Variants in FUT9 observed in about 807,000 individuals in gnomAD.
The protein encoded by FUT9 is 4-galactosyl-N-acetylglucosaminide 3-alpha-L-fucosyltransferase 9.
In FUT9, 15 loss-of-function variants were observed where a neutral mutation model predicts 29.7. That is an observed-to-expected ratio of 0.51 (90% confidence interval 0.34 to 0.78). FUT9 has a LOEUF of 0.78. Among genes scored for constraint, FUT9 ranks in the 30% least tolerant of loss-of-function variants. The probability of loss-of-function intolerance (pLI) is 0.01; values close to 1 mark genes in which losing one functional copy is unlikely to be tolerated. For synonymous variants in FUT9, 169 were observed against 153.7 expected (o/e 1.10, Z -0.74); for missense variants, 319 against 425.4 (o/e 0.75, Z 2.20).
intron 2 of FUT9, among the ~76,000 whole-genome samples, chr6:96,163,930 T>A (rs899569459): frequency 2.0e-5 from 3 of 152,090 alleles, no homozygotes; most frequent in African/African-American, 4.8e-5. Context: ...AATTTAGGAG[T>A]TTATTTTGCC....
At chr6:96,034,493 A>G (rs145424597) in intron 1 of FUT9, among the ~76,000 whole-genome samples, 1 of 151,878 alleles carries the variant, frequency 6.6e-6, no homozygotes, top group East Asian at 1.9e-4. Flanking sequence ...GGAGCAGTAC[A>G]TGTTCTTACA....
chr6:96,091,752 T>C lies in FUT9; in HGVS notation c.-97-22287T>C, dbSNP rs533176088. ...TAGTTGAAGGGTTTGTAGGTGATCTTTGCAATACTGCTGCAATCTCCTCAT... is the reference window on the plus strand; with the variant it reads ...TAGTTGAAGGGTTTGTAGGTGATCTCTGCAATACTGCTGCAATCTCCTCAT... On this transcript the variant is annotated intron_variant, in intron 1 of 2. Coordinates refer to ENST00000302103, the MANE Select transcript of FUT9 (RefSeq NM_006581.4). Among the ~76,000 whole-genome samples the C allele has an allele frequency of 2.3e-3, 355 of 152,174 alleles. 2 individuals are homozygous for C. Among genetic ancestry groups the C allele is most frequent in the Non-Finnish European group, 5.9e-4 (40 of 67,980 alleles).
At chr6:96,161,859 G>T (rs1241560329) in intron 2 of FUT9, among the ~76,000 whole-genome samples, 1 of 152,142 alleles carries the variant, frequency 6.6e-6, no homozygotes, top group Non-Finnish European at 1.5e-5. Context: ...ACCATTCCAA[G>T]AATTTCTACT....
rs142313112 is a variant in FUT9, at chr6:96,162,380, C to T, written c.-8-40768C>T. Among the ~76,000 whole-genome samples the T allele has an allele frequency of 6.1e-4, 93 of 152,192 alleles. 1 individual carries two copies. Among genetic ancestry groups the T allele is most frequent in the South Asian group, 5.8e-3 (28 of 4,818 alleles). On this transcript the variant is annotated intron_variant, in intron 2 of 2. Transcript: ENST00000302103. ...CACTTCAAATACACACTCATAATTT[C>T]CTTGTGTTGGAAACATTCAAAATCC... is the stretch of plus-strand genomic sequence containing the variant.
chr6:96,024,687 C>T (rs906560103), intron 1 of FUT9, among the ~76,000 whole-genome samples: 2 of 151,744 alleles, frequency 1.3e-5, no homozygotes, highest in African/African-American at 4.8e-5. Context: ...TAAGTTCTCC[C>T]AGTTTCAGCA....
In FUT9 at chr6:96,211,938, T is replaced by G. The variant is rs1773944903; in HGVS notation, c.*7703T>G. The stretch of plus-strand genomic sequence containing the variant: ...GAATTAGTTGTGTAAGTAAAGTAAG[T>G]TAAGTTATAGCTTGCTGGAATTTTA... On this transcript the variant is annotated 3_prime_UTR_variant, in exon 3 of 3. Transcript: ENST00000302103. 2 of 408,424 alleles carry G rather than the reference T, an allele frequency of 4.9e-6. No individual in the cohort carries two copies. Among genetic ancestry groups the G allele is most frequent in the Non-Finnish European group, 4.5e-6 (1 of 223,174 alleles). 25.3% of individuals were successfully genotyped at this position (408,424 alleles called of 1,614,324 possible). A position where few individuals can be genotyped will look rare whatever the true frequency, so the allele number is the denominator to read the frequency against.
Position 96,100,045 on chromosome 6 carries a change from A to T in FUT9, c.-97-13994A>T, listed in dbSNP as rs543041744. 2.6e-5 allele frequency among the ~76,000 whole-genome samples: 4 copies of T among 152,166 alleles called. No homozygotes were observed. In the South Asian group the frequency reaches 6.2e-4, roughly 24 times the overall value. On this transcript the variant is annotated intron_variant, in intron 1 of 2. Coordinates refer to ENST00000302103, the MANE Select transcript of FUT9 (RefSeq NM_006581.4). ...TCGATTTGTTTGTGATCCAGTACCA[A>T]AGGGGTATTATTCATTAAGATTTAC... is the stretch of plus-strand genomic sequence containing the variant.
At chr6:96,203,113 C>A in intron 2 of FUT9, 35 bp from the exon 3 acceptor site, 2 of 1,495,630 alleles carry the variant, frequency 1.3e-6, no homozygotes, top group Non-Finnish European at 1.8e-6. Context: ...TCATTCCCAC[C>A]GCTACCTCCC....
intron 2 of FUT9, among the ~76,000 whole-genome samples, chr6:96,174,066 A>T (rs558452892): frequency 6.6e-6 from 1 of 152,138 alleles, no homozygotes; most frequent in Non-Finnish European, 1.5e-5. Flanking sequence ...TGGTTGAGAC[A>T]GGAAATATGC....
At chr6:96,176,984 A>G (rs1773216075) in intron 2 of FUT9, among the ~76,000 whole-genome samples, 1 of 152,106 alleles carries the variant, frequency 6.6e-6, no homozygotes, top group African/African-American at 2.4e-5. Flanking sequence ...CATACTATAC[A>G]TAAAACAAGG....
intron 2 of FUT9, among the ~76,000 whole-genome samples, chr6:96,184,127 C>G (rs939229929): frequency 1.3e-4 from 19 of 151,882 alleles, no homozygotes; most frequent in African/African-American, 4.6e-4. Context: ...AATCTCACTG[C>G]TTGTTTTTGG....
chr6:96,109,200 G>T (rs1310926461), intron 1 of FUT9, among the ~76,000 whole-genome samples: 1 of 152,134 alleles, frequency 6.6e-6, no homozygotes, highest in Admixed American at 6.5e-5. Context: ...TAAGAAGCTT[G>T]CTTCTATTAA....
At position 96,172,638 on chromosome 6, in the gene FUT9, A is replaced by T. The variant is rs569203649; in HGVS notation, c.-8-30510A>T. Among the ~76,000 whole-genome samples, 7 of 139,328 alleles carry T rather than the reference A, an allele frequency of 5.0e-5. No individual in the cohort carries two copies. The South Asian group carries it at 2.2e-3, about 43-fold the overall frequency. 91.4% of individuals were successfully genotyped at this position (139,328 alleles called of 152,430 possible). A position where few individuals can be genotyped will look rare whatever the true frequency, so the allele number is the denominator to read the frequency against. ...CTGCCAAAAGTCAAGACAAGGAGGA[A>T]AGGAAGCCCGTTATTGAAAAAAAAA... On this transcript the variant is annotated intron_variant, in intron 2 of 2. Coordinates refer to ENST00000302103, the MANE Select transcript of FUT9 (RefSeq NM_006581.4).
intron 1 of FUT9, among the ~76,000 whole-genome samples, chr6:96,078,403 GTCT>G (rs1771174915): frequency 3.4e-5 from 2 of 59,410 alleles, no homozygotes; most frequent in Non-Finnish European, 6.9e-5. Context: ...TTTCATATTA[GTCT>G]TCTTTTTTTT....
intron 2 of FUT9, among the ~76,000 whole-genome samples, chr6:96,182,127 G>A (rs906778450): frequency 2.0e-5 from 3 of 152,006 alleles, no homozygotes; most frequent in Non-Finnish European, 2.9e-5. Context: ...ATTCTTGCAG[G>A]AGTAAGGGTA....
intron 1 of FUT9, among the ~76,000 whole-genome samples, chr6:96,017,394 C>A (rs915819134): frequency 2.0e-5 from 3 of 152,010 alleles, no homozygotes; most frequent in Admixed American, 2.0e-4. Flanking sequence ...CCATGTTTAC[C>A]GTTTTATTAT....
intron 1 of FUT9, among the ~76,000 whole-genome samples, chr6:96,051,610 G>A (rs572490393): frequency 4.6e-5 from 7 of 152,072 alleles, no homozygotes; most frequent in Admixed American, 1.3e-4. Context: ...CTGAGATTCT[G>A]CCACTGCACT....
At chr6:96,146,362 A>C (rs1002305216) in intron 2 of FUT9, among the ~76,000 whole-genome samples, 9 of 152,226 alleles carry the variant, frequency 5.9e-5, no homozygotes, top group African/African-American at 2.2e-4. Flanking sequence ...TCAATCCTGG[A>C]AAGTATTTAT....
rs182793557 is a variant in FUT9, at chr6:96,211,537, A to G, written c.*7302A>G. ...TCTTAAACTAATTTAAAAAAAAGCT[A>G]AAAGTTGCTTTTAATATGTTAGGGT... is the stretch of plus-strand genomic sequence containing the variant. On this transcript the variant is annotated 3_prime_UTR_variant, in exon 3 of 3. Coordinates refer to ENST00000302103, the MANE Select transcript of FUT9 (RefSeq NM_006581.4). The G allele has an allele frequency of 1.2e-5, 2 of 166,976 alleles. No individual in the cohort carries two copies. The highest frequency in any genetic ancestry group is 3.9e-4 in the East Asian group (2 of 5,184). 10.3% of individuals were successfully genotyped at this position (166,976 alleles called of 1,614,324 possible). A position where few individuals can be genotyped will look rare whatever the true frequency, so the allele number is the denominator to read the frequency against.
Sources: gnomAD v4.1 joint callset for allele counts (sites outside exome capture counted in the v4.1 genomes callset) on GRCh38, gnomAD v4.1.1 for gene constraint, MANE v1.5 for transcripts, NCBI Gene and HGNC (gene_info 2026-07-23, HGNC 2026-07-21) for gene names.